The following RBBP4 variants were observed in gnomAD, a reference collection of about 807,000 sequenced individuals.
RBBP4 encodes the protein RB binding protein 4, chromatin remodeling factor.
Under a neutral mutation model 57.2 loss-of-function variants are expected in RBBP4, and 3 were observed. The observed-to-expected ratio is 0.05, with a 90% CI of 0.02 to 0.14. RBBP4 has a LOEUF of 0.14. Among genes scored for constraint, RBBP4 ranks in the 10% least tolerant of loss-of-function variants. The probability of loss-of-function intolerance (pLI) is 1.00; values close to 1 mark genes in which losing one functional copy is unlikely to be tolerated. For synonymous variants in RBBP4, 151 were observed against 171.5 expected (o/e 0.88, Z 0.93); for missense variants, 107 against 520.6 (o/e 0.21, Z 7.73).
chr1:32,673,421 A>G (rs1648956440), intron 11 of RBBP4: 1 of 401,864 alleles, frequency 2.5e-6, no homozygotes, highest in Non-Finnish European at 4.8e-6. Context: ...AAAGAATGTG[A>G]ACACCCTCCT....
chr1:32,656,777 CTCT>C (rs934211763), intron 2 of RBBP4, among the ~76,000 whole-genome samples: 2 of 152,080 alleles, frequency 1.3e-5, no homozygotes, highest in African/African-American at 2.4e-5. Context: ...ATGTTATTTA[CTCT>C]TCTTTCCCTT....
chr1:32,655,844 T>C (rs1648117143), intron 2 of RBBP4, among the ~76,000 whole-genome samples: 1 of 152,238 alleles, frequency 6.6e-6, no homozygotes, highest in Non-Finnish European at 1.5e-5. Flanking sequence ...GTAGCATCTT[T>C]CCCATCTAGG....
chr1:32,674,093 T>G (rs1164481393), intron 11 of RBBP4, among the ~76,000 whole-genome samples: 1 of 152,204 alleles, frequency 6.6e-6, no homozygotes, highest in Non-Finnish European at 1.5e-5. Context: ...AGAGCGAGAC[T>G]CCGTCTCAAT....
Position 32,672,441 on chromosome 1 carries a change from T to C in RBBP4, c.967-9T>C, listed in dbSNP as rs764617187. On this transcript the variant is annotated splice_polypyrimidine_tract_variant and intron_variant, in intron 8 of 11. Coordinates refer to ENST00000373493, the MANE Select transcript of RBBP4 (RefSeq NM_005610.3). ...ATGGCTTTGCTCTTTTCTTCATTCC[T>C]ATGTGTAGGTTCAGTGGTCACCTCA... 3 of 1,577,344 alleles carry C rather than the reference T, an allele frequency of 1.9e-6. No homozygotes were observed.
At chr1:32,678,536 TATATAAATAAAATCCTAA>T (rs1201521395) in intron 11 of RBBP4, among the ~76,000 whole-genome samples, 1 of 141,414 alleles carries the variant, frequency 7.1e-6, no homozygotes, top group African/African-American at 2.6e-5. Flanking sequence ...CTGGACACCT[TATATAAATAAAATCCTAA>T]AGTATGTGAC....
chr1:32,668,690 C>T, intron 4 of RBBP4, 49 bp from the exon 5 acceptor site: 1 of 1,457,774 alleles, frequency 6.9e-7, no homozygotes, highest in Non-Finnish European at 9.6e-7. Context: ...CTCAGTAGGC[C>T]CAGAGAGCCA....
intron 2 of RBBP4, among the ~76,000 whole-genome samples, chr1:32,654,563 A>C (rs1416157720): frequency 7.2e-5 from 11 of 152,218 alleles, no homozygotes; most frequent in Non-Finnish European, 1.3e-4. Flanking sequence ...ATATAATAGA[A>C]TGACTAGCTA....
rs77590905 is a variant in RBBP4, at chr1:32,679,480, C to T, written c.1213-160C>T. On this transcript the variant is annotated intron_variant, in intron 11 of 11. Transcript: ENST00000373493. ...TTCATTACCCATTATAGGTTGTCTC[C>T]GGATACTTTCATCCAAGAGTTGAAT... Among the ~76,000 whole-genome samples the T allele has an allele frequency of 6.4e-4, 97 of 152,212 alleles. No homozygotes were observed. In the East Asian group the frequency reaches 8.7e-3, roughly 14 times the overall value.
chr1:32,657,203 G>C (rs747615829), intron 2 of RBBP4, among the ~76,000 whole-genome samples: 7 of 152,172 alleles, frequency 4.6e-5, no homozygotes, highest in Non-Finnish European at 1.0e-4. Context: ...TTGAATCCGA[G>C]AGCCAGAGGT....
intron 2 of RBBP4, among the ~76,000 whole-genome samples, chr1:32,656,614 A>C (rs1648152371): frequency 6.6e-6 from 1 of 152,134 alleles, no homozygotes; most frequent in Non-Finnish European, 1.5e-5. Flanking sequence ...GGCCTCCCAA[A>C]GTGCTGGGAT....
At position 32,669,902 on chromosome 1, in the gene RBBP4, A is replaced by G. The variant is rs1412292275; in HGVS notation, c.966+339A>G. On this transcript the variant is annotated intron_variant, in intron 8 of 11. Transcript: ENST00000373493. This position sits in a 1 kb window ranked among gnomAD's most constrained non-coding sequence, Gnocchi z 4.9. Reference sequence around the variant, plus strand: ...CGAGAGTCCGTCTCAAAAAAAAAGAAAAAAGAAAAACCTGGATGTATGAGT... The same window carrying G: ...CGAGAGTCCGTCTCAAAAAAAAAGAGAAAAGAAAAACCTGGATGTATGAGT... Among the ~76,000 whole-genome samples, 1 of 152,230 alleles carries G rather than the reference A, an allele frequency of 6.6e-6. No homozygotes were observed. Among genetic ancestry groups the G allele is most frequent in the Admixed American group, 6.5e-5 (1 of 15,286 alleles).
In RBBP4 at chr1:32,679,753, A is replaced by G. The variant is rs372037620; in HGVS notation, c.*48A>G. On this transcript the variant is annotated 3_prime_UTR_variant, in exon 12 of 12. Coordinates refer to ENST00000373493, the MANE Select transcript of RBBP4 (RefSeq NM_005610.3). ...TTTAGACTCCCCTTTTTTCTTCTCA[A>G]CCCTGAGAGTGATTTAACACTGGTT... 10 of 1,609,612 alleles carry G rather than the reference A, an allele frequency of 6.2e-6. No individual in the cohort carries two copies. In the African/African-American group the frequency reaches 9.4e-5, roughly 15 times the overall value.
intron 2 of RBBP4, among the ~76,000 whole-genome samples, chr1:32,656,193 A>AT (rs982218693): frequency 2.8e-4 from 42 of 151,836 alleles, no homozygotes; most frequent in African/African-American, 1.0e-3. Flanking sequence ...TCTTTTATTT[A>AT]TTTTTTTCTT....
intron 1 of RBBP4, 32 bp from the exon 2 acceptor site, chr1:32,651,882 T>A: frequency 6.2e-7 from 1 of 1,608,110 alleles, no homozygotes; most frequent in South Asian, 1.1e-5. Flanking sequence ...TCCGTTTGTT[T>A]GCTAACTTAA....
chr1:32,682,240 T>C lies in RBBP4; in HGVS notation c.*2535T>C, dbSNP rs967259693. On this transcript the variant is annotated 3_prime_UTR_variant, in exon 12 of 12. Coordinates refer to ENST00000373493, the MANE Select transcript of RBBP4 (RefSeq NM_005610.3). ...CAAACATTAAGCATATTATCAGTCA[T>C]GTGGATTCAAACACAGTATAAGAAA... is the stretch of plus-strand genomic sequence containing the variant. 4 of 209,602 alleles carry C rather than the reference T, an allele frequency of 1.9e-5. No individual in the cohort carries two copies. Among genetic ancestry groups the C allele is most frequent in the Non-Finnish European group, 3.8e-5 (4 of 104,360 alleles). The allele number at this position is 209,602 out of a possible 1,614,324, so 13.0% of individuals were successfully genotyped here.
At chr1:32,652,083 T>G in intron 2 of RBBP4, 22 bp downstream of exon 2, 1 of 1,598,900 alleles carries the variant, frequency 6.3e-7, no homozygotes, top group Non-Finnish European at 8.5e-7. Flanking sequence ...CTCCCGAACG[T>G]TATTTTGATG....
intron 3 of RBBP4, chr1:32,662,117 A>G (rs576283601): frequency 7.3e-5 from 16 of 220,422 alleles, no homozygotes; most frequent in South Asian, 5.0e-4. Flanking sequence ...ATCTCCTGAC[A>G]TTGCGATCTG....
chr1:32,679,944 C>G lies in RBBP4; in HGVS notation c.*239C>G. On this transcript the variant is annotated 3_prime_UTR_variant, in exon 12 of 12. Transcript: ENST00000373493. ...TCAGGAATTTTCTAGTAACCCAGGT[C>G]TAAAGTAGCTACAGAAAGGGGAATA... is the stretch of plus-strand genomic sequence containing the variant. 7.8e-7 allele frequency: 1 copy of G among 1,282,000 alleles called. No homozygotes were observed. Among genetic ancestry groups the G allele is most frequent in the South Asian group, 2.2e-5 (1 of 44,610 alleles). 79.4% of individuals were successfully genotyped at this position (1,282,000 alleles called of 1,614,324 possible). A position where few individuals can be genotyped will look rare whatever the true frequency, so the allele number is the denominator to read the frequency against.
intron 11 of RBBP4, 68 bp downstream of exon 11, chr1:32,672,969 TATTTTATG>T: frequency 8.0e-7 from 1 of 1,254,786 alleles, no homozygotes; most frequent in South Asian, 1.3e-5. Flanking sequence ...TACATTTGTA[TATTTTATG>T]ATTACAGCTA....
Sources: allele counts gnomAD v4.1 joint callset (sites outside exome capture counted in the v4.1 genomes callset), GRCh38; gene constraint gnomAD v4.1.1; non-coding constraint Gnocchi (gnomAD v3.1); transcripts MANE v1.5; gene names NCBI Gene and HGNC (gene_info 2026-07-23, HGNC 2026-07-21).